The following MOXD1 variants were observed in gnomAD, a reference collection of about 807,000 sequenced individuals.
MOXD1 encodes the protein monooxygenase DBH like 1.
In MOXD1, 62 loss-of-function variants were observed where a neutral mutation model predicts 66.6. The ratio of observed to expected loss-of-function variants is 0.93; its 90% CI spans 0.76 to 1.15. The LOEUF (loss-of-function observed/expected upper bound fraction) is 1.15. MOXD1 is among the 50% of genes most tolerant of loss of function. The pLI, the probability that MOXD1 is intolerant of heterozygous loss-of-function variation, is 0.00. For synonymous variants in MOXD1, 303 were observed against 281.9 expected (o/e 1.07, Z -0.75); for missense variants, 847 against 754.6 (o/e 1.12, Z -1.44).
At position 132,357,108 on chromosome 6, in the gene MOXD1, C is replaced by G. The variant is rs147519676; in HGVS notation, c.663+15500G>C. On this transcript the variant is annotated intron_variant, in intron 4 of 11. Coordinates refer to ENST00000367963, the MANE Select transcript of MOXD1 (RefSeq NM_015529.4). ...GAGATAAAAACTCAACAGTTGTGAC[C>G]TCTTTGCAAGATTGTTAAAAGCCAG... 3.4e-3 allele frequency among the ~76,000 whole-genome samples: 517 copies of G among 152,000 alleles called. 5 individuals are homozygous for G. Among genetic ancestry groups the G allele is most frequent in the African/African-American group, 0.012 (494 of 41,464 alleles).
chr6:132,348,416 A>G (rs1338320646), intron 4 of MOXD1, among the ~76,000 whole-genome samples: 1 of 152,214 alleles, frequency 6.6e-6, no homozygotes, highest in Non-Finnish European at 1.5e-5. Flanking sequence ...GTGACCTGCC[A>G]AACTCAAAGA....
chr6:132,352,574 G>T lies in MOXD1; in HGVS notation c.663+20034C>A, dbSNP rs186479142. 5.9e-5 allele frequency among the ~76,000 whole-genome samples: 9 copies of T among 152,292 alleles called. No homozygotes were observed. In the South Asian group the frequency reaches 1.9e-3, roughly 32 times the overall value. ...TATCACGTGTCCTGTCTTGGAGAAG[G>T]TTCCATGCACTGTTGAAAAGAATGT... On this transcript the variant is annotated intron_variant, in intron 4 of 11. Transcript: ENST00000367963.
intron 4 of MOXD1, among the ~76,000 whole-genome samples, chr6:132,366,015 T>G (rs1776114917): frequency 6.6e-6 from 1 of 152,176 alleles, no homozygotes; most frequent in Non-Finnish European, 1.5e-5. Flanking sequence ...AGGAAAAGAT[T>G]CTTGATTTTT....
At chr6:132,306,362 C>T (rs1168273819) in intron 10 of MOXD1, among the ~76,000 whole-genome samples, 1 of 151,936 alleles carries the variant, frequency 6.6e-6, no homozygotes, top group Non-Finnish European at 1.5e-5. Context: ...TATAGGACTT[C>T]ATAAAAAGAC....
chr6:132,320,810 G>T, intron 8 of MOXD1, 122 bp from the exon 9 acceptor site: 1 of 752,194 alleles, frequency 1.3e-6, no homozygotes, highest in Non-Finnish European at 2.2e-6. Context: ...ATTTCATTCA[G>T]CAGAAGACCC....
At chr6:132,386,951 T>C (rs1776662348) in intron 1 of MOXD1, among the ~76,000 whole-genome samples, 1 of 151,360 alleles carries the variant, frequency 6.6e-6, no homozygotes, top group African/African-American at 2.4e-5. Context: ...GACTGTACAC[T>C]ACAACGCCAA....
At chr6:132,347,638 C>G (rs111954754) in intron 4 of MOXD1, among the ~76,000 whole-genome samples, 2,109 of 151,494 alleles carry the variant, frequency 0.014, 60 homozygotes, top group African/African-American at 0.048. Context: ...GATTGTACCA[C>G]TGCACTCCAG....
chr6:132,362,979 C>G (rs545389215), intron 4 of MOXD1, among the ~76,000 whole-genome samples: 1 of 152,246 alleles, frequency 6.6e-6, no homozygotes, highest in African/African-American at 2.4e-5. Context: ...CATTTGTAAT[C>G]CCCAAGGGTG....
intron 1 of MOXD1, among the ~76,000 whole-genome samples, chr6:132,398,935 C>CACA (rs1554239404): frequency 0.17 from 12,493 of 74,948 alleles, 1,290 homozygotes; most frequent in African/African-American, 0.31. Flanking sequence ...GAGACTTTGT[C>CACA]AAAAAAAAAA....
intron 10 of MOXD1, among the ~76,000 whole-genome samples, chr6:132,308,199 T>C (rs895491666): frequency 3.3e-5 from 5 of 151,834 alleles, no homozygotes; most frequent in Non-Finnish European, 7.4e-5. Context: ...ATGTCACCAA[T>C]GGCCCCACAG....
intron 4 of MOXD1, among the ~76,000 whole-genome samples, chr6:132,341,038 T>C (rs911842155): frequency 5.3e-5 from 8 of 152,172 alleles, no homozygotes; most frequent in South Asian, 2.1e-4. Flanking sequence ...CTCTCATTAA[T>C]CCTATAGGAG....
At chr6:132,297,409 A>T in intron 11 of MOXD1, 92 bp from the exon 12 acceptor site, 2 of 1,331,308 alleles carry the variant, frequency 1.5e-6, no homozygotes. Context: ...TCTGCAGGGG[A>T]TAAAGGGGGC....
chr6:132,314,693 G>A (rs771601665), intron 10 of MOXD1, among the ~76,000 whole-genome samples: 12 of 152,186 alleles, frequency 7.9e-5, no homozygotes, highest in East Asian at 1.9e-4. Flanking sequence ...CACGGAGGTC[G>A]CTGCTCAGAT....
At chr6:132,315,252 G>A (rs1023921489) in intron 10 of MOXD1, among the ~76,000 whole-genome samples, 2 of 152,206 alleles carry the variant, frequency 1.3e-5, no homozygotes, top group African/African-American at 4.8e-5. Flanking sequence ...TTTGATGATG[G>A]TGTAATTTGG....
intron 6 of MOXD1, among the ~76,000 whole-genome samples, chr6:132,325,615 TTC>T (rs1823855408): frequency 6.6e-6 from 1 of 152,210 alleles, no homozygotes; most frequent in Non-Finnish European, 1.5e-5. Flanking sequence ...AGGAATAAAT[TTC>T]TGTTCATTAT....
intron 1 of MOXD1, among the ~76,000 whole-genome samples, chr6:132,385,752 A>G (rs1269321194): frequency 1.3e-5 from 2 of 151,942 alleles, no homozygotes; most frequent in African/African-American, 4.8e-5. Flanking sequence ...TTGGCCTCCC[A>G]AAGTGCTGGG....
At chr6:132,374,497 C>A in intron 2 of MOXD1, 134 bp downstream of exon 2, 8 of 933,386 alleles carry the variant, frequency 8.6e-6, no homozygotes, top group South Asian at 7.8e-5. Context: ...AAAAAAAAAA[C>A]TAAAAAAAAT....
At chr6:132,323,871 A>C in intron 7 of MOXD1, 60 bp downstream of exon 7, 3 of 1,462,946 alleles carry the variant, frequency 2.1e-6, no homozygotes, top group Non-Finnish European at 2.7e-6. Context: ...TTTTCACACC[A>C]CAGTTTCTAA....
chr6:132,339,605 A>G (rs997084586), intron 4 of MOXD1, among the ~76,000 whole-genome samples: 2 of 152,248 alleles, frequency 1.3e-5, no homozygotes, highest in Non-Finnish European at 2.9e-5. Flanking sequence ...TCTTTTGGCT[A>G]AGAATGATCC....
Sources: gnomAD v4.1 joint callset for allele counts (sites outside exome capture counted in the v4.1 genomes callset) on GRCh38, gnomAD v4.1.1 for gene constraint, MANE v1.5 for transcripts, NCBI Gene and HGNC (gene_info 2026-07-23, HGNC 2026-07-21) for gene names.